Variants in ACBD6 observed in about 807,000 individuals in gnomAD.
ACBD6 encodes acyl-CoA-binding domain-containing protein 6.
A neutral mutation model predicts 37.2 loss-of-function variants in ACBD6; 28 were observed. The observed-to-expected ratio is 0.75, with a 90% CI of 0.56 to 1.03. The LOEUF (loss-of-function observed/expected upper bound fraction) is 1.03, where lower values mean the gene tolerates loss of function less well. ACBD6 is among the 50% of genes least tolerant of loss of function. ACBD6 has a pLI of 0.00. For missense variants in ACBD6, 340 were observed against 337.4 expected, an observed-to-expected ratio of 1.01 and a Z score of -0.06; for synonymous variants, 113 against 126.8, an observed-to-expected ratio of 0.89 and a Z score of 0.73.
At chr1:180,309,670 G>A in intron 7 of ACBD6, among the ~76,000 whole-genome samples, 1 of 152,312 alleles carries the variant, frequency 6.6e-6, no homozygotes, top group East Asian at 1.9e-4. Context: ...AAATATTGTG[G>A]AGTAAAAGAA....
chr1:180,288,312 T>C lies in ACBD6; in HGVS notation c.*51A>G, dbSNP rs766049791. On this transcript the variant is annotated 3_prime_UTR_variant, in exon 8 of 8. Transcript: ENST00000367595. The stretch of plus-strand genomic sequence containing the variant: ...GAAGTATTATTTTTGTAGTTTTCTT[T>C]CATAATGGAAGCCTTATGCTATTAC... 28 of 1,611,610 alleles carry C rather than the reference T, an allele frequency of 1.7e-5. No individual in the cohort carries two copies. Among genetic ancestry groups the C allele is most frequent in the Non-Finnish European group, 1.7e-6 (2 of 1,179,022 alleles).
chr1:180,444,552 C>T (rs181425477), intron 3 of ACBD6, among the ~76,000 whole-genome samples: 57 of 152,244 alleles, frequency 3.7e-4, no homozygotes, highest in African/African-American at 1.2e-3. Flanking sequence ...GCCAAAGATG[C>T]GTTAGTTTTC....
chr1:180,314,658 A>C (rs766166724), intron 7 of ACBD6, 34 bp downstream of exon 7: 1 of 1,482,586 alleles, frequency 6.7e-7, no homozygotes, highest in South Asian at 1.1e-5. Flanking sequence ...AATATGTTCA[A>C]ATATGATTAC....
chr1:180,295,289 G>A (rs1189738232), intron 7 of ACBD6, among the ~76,000 whole-genome samples: 1 of 81,962 alleles, frequency 1.2e-5, no homozygotes, highest in Non-Finnish European at 2.4e-5. Flanking sequence ...TTTTTTTTTT[G>A]AGGCGGAGTC....
At chr1:180,279,300 T>TA (rs1649232673) in intron 9 of ACBD6, among the ~76,000 whole-genome samples, 1 of 152,174 alleles carries the variant, frequency 6.6e-6, no homozygotes, top group African/African-American at 2.4e-5. Flanking sequence ...AGTGGCATTT[T>TA]TAAAATTTTT....
intron 3 of ACBD6, among the ~76,000 whole-genome samples, chr1:180,459,967 CTTTTT>C (rs67323272): frequency 5.6e-5 from 6 of 107,980 alleles, no homozygotes; most frequent in Non-Finnish European, 7.7e-5. Context: ...CAGACTGCTT[CTTTTT>C]TTTTTTTTTT....
At chr1:180,311,536 C>T (rs888189795) in intron 7 of ACBD6, among the ~76,000 whole-genome samples, 29 of 152,168 alleles carry the variant, frequency 1.9e-4, no homozygotes, top group Admixed American at 7.9e-4. Flanking sequence ...CTCCTGGACT[C>T]AAGTGATTTT....
At chr1:180,402,345 C>T (rs1209922496) in intron 5 of ACBD6, among the ~76,000 whole-genome samples, 1 of 152,176 alleles carries the variant, frequency 6.6e-6, no homozygotes, top group Non-Finnish European at 1.5e-5. Flanking sequence ...AAGCCAATGA[C>T]TGCTTGTGGG....
chr1:180,318,173 C>CCA (rs1553291936), intron 6 of ACBD6, among the ~76,000 whole-genome samples: 1 of 120,058 alleles, frequency 8.3e-6, no homozygotes, highest in Non-Finnish European at 1.9e-5. Context: ...GCCCCCCCCC[C>CCA]CCAAAAAAAA....
intron 3 of ACBD6, among the ~76,000 whole-genome samples, chr1:180,479,089 C>T (rs1203893147): frequency 1.3e-5 from 2 of 152,162 alleles, no homozygotes; most frequent in Non-Finnish European, 2.9e-5. Context: ...GCTAGGATTG[C>T]ACCACTGCAC....
chr1:180,312,902 G>T (rs555398435), intron 7 of ACBD6, among the ~76,000 whole-genome samples: 224 of 152,228 alleles, frequency 1.5e-3, no homozygotes, highest in African/African-American at 5.3e-3. Flanking sequence ...TTTATCCCAG[G>T]TCAGGGGTAG....
At chr1:180,363,038 C>A (rs1344434422) in intron 6 of ACBD6, among the ~76,000 whole-genome samples, 1 of 152,138 alleles carries the variant, frequency 6.6e-6, no homozygotes, top group Non-Finnish European at 1.5e-5. Flanking sequence ...CGGGCTCTGG[C>A]AAATGTATTA....
intron 6 of ACBD6, among the ~76,000 whole-genome samples, chr1:180,350,381 A>G (rs1652362905): frequency 6.6e-6 from 1 of 151,454 alleles, no homozygotes; most frequent in South Asian, 2.1e-4. Flanking sequence ...ATGTGTTAAG[A>G]GACCCTAGTT....
At chr1:180,417,042 T>G (rs567457213) in intron 4 of ACBD6, among the ~76,000 whole-genome samples, 1 of 152,250 alleles carries the variant, frequency 6.6e-6, no homozygotes, top group East Asian at 1.9e-4. Flanking sequence ...ATTGCATGAA[T>G]GAAAATCCAA....
intron 6 of ACBD6, among the ~76,000 whole-genome samples, chr1:180,356,418 T>C (rs1458622896): frequency 3.3e-5 from 5 of 152,012 alleles, no homozygotes; most frequent in Non-Finnish European, 1.5e-5. Flanking sequence ...GCTATCCACC[T>C]GCCTCAGCCT....
chr1:180,459,526 A>G (rs983162273), intron 3 of ACBD6, among the ~76,000 whole-genome samples: 1 of 152,218 alleles, frequency 6.6e-6, no homozygotes, highest in Non-Finnish European at 1.5e-5. Flanking sequence ...GTCCAAGTAC[A>G]AGGGTCTGTT....
chr1:180,386,264 T>G (rs1476577951), intron 6 of ACBD6, among the ~76,000 whole-genome samples: 1 of 152,252 alleles, frequency 6.6e-6, no homozygotes, highest in Non-Finnish European at 1.5e-5. Context: ...CAACTTATGA[T>G]GGGTTTATCA....
intron 3 of ACBD6, among the ~76,000 whole-genome samples, chr1:180,488,078 C>A (rs754992544): frequency 6.6e-6 from 1 of 151,432 alleles, no homozygotes; most frequent in African/African-American, 2.4e-5. Flanking sequence ...TCAAACAATT[C>A]GGAAAAAATG....
chr1:180,293,805 G>C (rs1209072674), intron 7 of ACBD6, among the ~76,000 whole-genome samples: 1 of 152,028 alleles, frequency 6.6e-6, no homozygotes, highest in African/African-American at 2.4e-5. Flanking sequence ...CTATTCACAA[G>C]CATGATCATA....
Sources: allele counts gnomAD v4.1 joint callset (sites outside exome capture counted in the v4.1 genomes callset), GRCh38; gene constraint gnomAD v4.1.1; transcripts MANE v1.5; gene names NCBI Gene and HGNC (gene_info 2026-07-23, HGNC 2026-07-21).